TAFA2: variants seen among roughly 807,000 people sequenced by gnomAD.
TAFA2 encodes chemokine-like protein TAFA-2.
TAFA2 carries 7 observed loss-of-function variants against 18.8 expected under a neutral mutation model. That is an observed-to-expected ratio of 0.37 (90% CI 0.21 to 0.70). The LOEUF is 0.70. TAFA2 is among the 30% of genes least tolerant of loss of function. The pLI, the probability that TAFA2 is intolerant of heterozygous loss-of-function variation, is 0.53. For missense variants in TAFA2, 122 were observed against 158.1 expected, an observed-to-expected ratio of 0.77 and a Z score of 1.23; for synonymous variants, 60 against 54.2, an observed-to-expected ratio of 1.11 and a Z score of -0.47.
chr12:62,215,858 C>T (rs552246572), intron 1 of TAFA2, among the ~76,000 whole-genome samples: 16 of 151,676 alleles, frequency 1.1e-4, no homozygotes, highest in Non-Finnish European at 2.1e-4. Context: ...ATAATAGCAG[C>T]TACTCTAATG....
chr12:62,055,067 T>C (rs1021484510), intron 1 of TAFA2, among the ~76,000 whole-genome samples: 1 of 152,142 alleles, frequency 6.6e-6, no homozygotes, highest in Non-Finnish European at 1.5e-5. Flanking sequence ...GATTAAGTCA[T>C]GAGAGTGGAG....
At chr12:61,940,508 T>C (rs1355753735) in intron 1 of TAFA2, among the ~76,000 whole-genome samples, 1 of 152,204 alleles carries the variant, frequency 6.6e-6, no homozygotes, top group Non-Finnish European at 1.5e-5. Flanking sequence ...GAGGCCTTAC[T>C]CTGCACAAAT....
intron 2 of TAFA2, among the ~76,000 whole-genome samples, chr12:61,825,234 G>C (rs1229317130): frequency 6.6e-6 from 1 of 152,120 alleles, no homozygotes; most frequent in Non-Finnish European, 1.5e-5. Flanking sequence ...GAATGGAAAG[G>C]AGGATCCAAA....
rs1873535817 is a variant in TAFA2, at chr12:61,849,170, A to G, written c.106+18150T>C. Among the ~76,000 whole-genome samples, 3 of 152,118 alleles carry G rather than the reference A, an allele frequency of 2.0e-5. No homozygotes were observed. In the South Asian group the frequency reaches 6.2e-4, roughly 32 times the overall value. On this transcript the variant is annotated intron_variant, in intron 2 of 4. Transcript: ENST00000416284. ...TGGTAGGTACTTTCAAAGAATTTTC[A>G]TATGCATTTTCATTTTAGGTCTTTA...
intron 1 of TAFA2, among the ~76,000 whole-genome samples, chr12:61,979,159 G>T (rs1178227087): frequency 2.0e-5 from 3 of 152,040 alleles, no homozygotes; most frequent in Non-Finnish European, 4.4e-5. Flanking sequence ...ATAAAGTCTG[G>T]TCAAACAAAC....
intron 1 of TAFA2, among the ~76,000 whole-genome samples, chr12:62,240,114 T>C (rs564822859): frequency 5.3e-5 from 8 of 151,596 alleles, no homozygotes; most frequent in African/African-American, 1.9e-4. Context: ...TGTTATATAA[T>C]GATAATAATA....
intron 1 of TAFA2, among the ~76,000 whole-genome samples, chr12:61,877,230 A>G (rs11174209): frequency 0.03 from 4,501 of 152,136 alleles, 240 homozygotes; most frequent in African/African-American, 0.1. Context: ...AGCTTTTAGA[A>G]TCTCACTTTT....
chr12:61,985,208 T>C (rs540452581), intron 1 of TAFA2, among the ~76,000 whole-genome samples: 1 of 152,242 alleles, frequency 6.6e-6, no homozygotes, highest in African/African-American at 2.4e-5. Flanking sequence ...AAGGAAACGC[T>C]GGACATGCTG....
chr12:61,903,231 C>T (rs1465082931), intron 1 of TAFA2, among the ~76,000 whole-genome samples: 1 of 152,138 alleles, frequency 6.6e-6, no homozygotes, highest in African/African-American at 2.4e-5. Flanking sequence ...TAATAGACTA[C>T]TAGGGATCTG....
upstream of TAFA2, chr12:62,259,989 C>G (rs892217830): frequency 1.5e-5 from 3 of 194,570 alleles, no homozygotes; most frequent in Non-Finnish European, 3.3e-5. Flanking sequence ...CCCACGCCCC[C>G]ACACCACCGC....
At chr12:62,068,156 T>C (rs1276474510) in intron 1 of TAFA2, among the ~76,000 whole-genome samples, 1 of 152,014 alleles carries the variant, frequency 6.6e-6, no homozygotes, top group Non-Finnish European at 1.5e-5. Context: ...ACTTTGAAAA[T>C]ACAAACTCTA....
intron 1 of TAFA2, among the ~76,000 whole-genome samples, chr12:62,128,926 A>C (rs1287341943): frequency 6.6e-6 from 1 of 152,082 alleles, no homozygotes; most frequent in Non-Finnish European, 1.5e-5. Flanking sequence ...GTTACTGCAG[A>C]CACATAAAAT....
chr12:61,730,254 C>T (rs1328022771), intron 4 of TAFA2, among the ~76,000 whole-genome samples: 2 of 152,098 alleles, frequency 1.3e-5, no homozygotes, highest in Non-Finnish European at 2.9e-5. Context: ...TCTGGTTAGC[C>T]AGGATGTTAT....
chr12:62,137,142 C>T (rs1460477871), intron 1 of TAFA2, among the ~76,000 whole-genome samples: 1 of 152,142 alleles, frequency 6.6e-6, no homozygotes, highest in Non-Finnish European at 1.5e-5. Flanking sequence ...TTTCTTACCC[C>T]TGCTACCTCA....
intron 2 of TAFA2, among the ~76,000 whole-genome samples, chr12:61,797,810 G>A (rs921317013): frequency 2.0e-5 from 3 of 152,172 alleles, no homozygotes; most frequent in Non-Finnish European, 2.9e-5. Context: ...CAAGCTAGAC[G>A]CTGGTTCCTT....
At chr12:62,210,166 A>T (rs560897123) in intron 1 of TAFA2, among the ~76,000 whole-genome samples, 1 of 150,278 alleles carries the variant, frequency 6.7e-6, no homozygotes, top group East Asian at 2.0e-4. Context: ...AGCCTGGGTG[A>T]CAGAGTGAGA....
intron 1 of TAFA2, among the ~76,000 whole-genome samples, chr12:62,143,779 AT>A (rs1180314586): frequency 2.0e-5 from 3 of 151,954 alleles, no homozygotes; most frequent in African/African-American, 7.3e-5. Flanking sequence ...GTGGTGGCTT[AT>A]GTCTGTAATT....
intron 1 of TAFA2, chr12:62,021,468 A>G (rs1169326935): frequency 2.3e-6 from 1 of 427,238 alleles, no homozygotes; most frequent in Non-Finnish European, 4.3e-6. Flanking sequence ...AGTCCACTGC[A>G]TCATTCTTTT....
chr12:62,226,233 G>A (rs1252976507), intron 1 of TAFA2, among the ~76,000 whole-genome samples: 6 of 143,752 alleles, frequency 4.2e-5, no homozygotes, highest in African/African-American at 1.6e-4. Context: ...TCGCTCTGCC[G>A]CCCAGGCTGG....
Sources: gnomAD v4.1 joint callset for allele counts (sites outside exome capture counted in the v4.1 genomes callset) on GRCh38, gnomAD v4.1.1 for gene constraint, MANE v1.5 for transcripts, NCBI Gene and HGNC (gene_info 2026-07-23, HGNC 2026-07-21) for gene names.